The following AGBL4 variants were observed in gnomAD, a reference collection of about 807,000 sequenced individuals.
The protein encoded by AGBL4 is cytosolic carboxypeptidase 6.
Under a neutral mutation model 66.4 loss-of-function variants are expected in AGBL4, and 58 were observed. The ratio of observed to expected loss-of-function variants is 0.87; its 90% confidence interval spans 0.71 to 1.09. AGBL4 has a LOEUF of 1.09. AGBL4 is among the 50% of genes least tolerant of loss of function. The pLI, the probability that AGBL4 is intolerant of heterozygous loss-of-function variation, is 0.00. For missense variants in AGBL4, 579 were observed against 631.0 expected (o/e 0.92, Z 0.88); for synonymous variants, 234 against 222.9 (o/e 1.05, Z -0.44).
intron 9 of AGBL4, among the ~76,000 whole-genome samples, chr1:48,608,135 G>T (rs1347809963): frequency 6.6e-6 from 1 of 152,092 alleles, no homozygotes; most frequent in African/African-American, 2.4e-5. Flanking sequence ...AACTGCCTGG[G>T]GACTATCTGG....
chr1:49,183,977 G>A (rs1024074306), intron 4 of AGBL4, among the ~76,000 whole-genome samples: 15 of 152,122 alleles, frequency 9.9e-5, no homozygotes, highest in Non-Finnish European at 1.8e-4. Flanking sequence ...CATATGAAGT[G>A]ATTACATATG....
intron 5 of AGBL4, among the ~76,000 whole-genome samples, chr1:48,970,386 C>T (rs1658806243): frequency 6.6e-6 from 1 of 152,284 alleles, no homozygotes; most frequent in East Asian, 1.9e-4. Flanking sequence ...TAAACTTCCA[C>T]ACCTACCCAG....
chr1:49,843,701 G>A (rs1002235623), intron 2 of AGBL4, among the ~76,000 whole-genome samples: 1 of 152,158 alleles, frequency 6.6e-6, no homozygotes, highest in African/African-American at 2.4e-5. Context: ...GAAACATACA[G>A]GTTCTATGGT....
chr1:49,587,660 T>C (rs1306529205), intron 3 of AGBL4, among the ~76,000 whole-genome samples: 1 of 152,170 alleles, frequency 6.6e-6, no homozygotes, highest in African/African-American at 2.4e-5. Flanking sequence ...TCTGGCATCA[T>C]GTTGCTAAAC....
intron 4 of AGBL4, among the ~76,000 whole-genome samples, chr1:49,229,208 C>T (rs1473127546): frequency 6.6e-6 from 1 of 152,180 alleles, no homozygotes; most frequent in East Asian, 1.9e-4. Context: ...CTTTCCCTGG[C>T]ATCCTGTGCA....
chr1:49,134,302 A>C (rs1237362899), intron 4 of AGBL4, among the ~76,000 whole-genome samples: 1 of 152,156 alleles, frequency 6.6e-6, no homozygotes, highest in South Asian at 2.1e-4. Context: ...ACACATTGTC[A>C]TTGATAAACA....
intron 3 of AGBL4, among the ~76,000 whole-genome samples, chr1:49,552,265 C>T (rs898190623): frequency 2.6e-4 from 39 of 152,166 alleles, no homozygotes; most frequent in African/African-American, 7.7e-4. Context: ...GTTCTTCCCC[C>T]GCCTGTGGAG....
Position 48,685,945 on chromosome 1 carries a change from T to G in AGBL4, c.635-22704A>C, listed in dbSNP as rs571323400. On this transcript the variant is annotated intron_variant, in intron 6 of 13. Coordinates refer to ENST00000371839, the MANE Select transcript of AGBL4 (RefSeq NM_032785.4). ...AAGCTCTGTCATGCATCATTTGCCT[T>G]TCACAAAAGCCCTCTGAGTTAGGCT... is the stretch of plus-strand genomic sequence containing the variant. Among the ~76,000 whole-genome samples the G allele has an allele frequency of 4.6e-5, 7 of 152,348 alleles. 1 individual carries two copies. The South Asian group carries it at 1.4e-3, about 32-fold the overall frequency.
intron 5 of AGBL4, among the ~76,000 whole-genome samples, chr1:48,979,454 A>C (rs1251936348): frequency 6.6e-6 from 1 of 152,170 alleles, no homozygotes; most frequent in Non-Finnish European, 1.5e-5. Flanking sequence ...TTGATGAAAA[A>C]AATCACATAT....
At chr1:49,502,562 A>G (rs1648265733) in intron 3 of AGBL4, among the ~76,000 whole-genome samples, 1 of 152,106 alleles carries the variant, frequency 6.6e-6, no homozygotes, top group Non-Finnish European at 1.5e-5. Flanking sequence ...TGGAGGGCTA[A>G]GAAGAAAAAA....
intron 3 of AGBL4, among the ~76,000 whole-genome samples, chr1:49,372,594 C>CCT (rs2148555765): frequency 6.7e-6 from 1 of 150,234 alleles, no homozygotes; most frequent in South Asian, 2.1e-4. Flanking sequence ...TTCTTTCTTT[C>CCT]TTTTCTTTTT....
At chr1:49,450,280 T>C (rs1308514840) in intron 3 of AGBL4, among the ~76,000 whole-genome samples, 1 of 152,024 alleles carries the variant, frequency 6.6e-6, no homozygotes, top group Non-Finnish European at 1.5e-5. Context: ...AAGTCATCAG[T>C]TTATAAATAA....
intron 2 of AGBL4, among the ~76,000 whole-genome samples, chr1:49,712,618 A>C (rs1647760892): frequency 2.6e-5 from 4 of 152,018 alleles, no homozygotes. Flanking sequence ...CACCAAAAAA[A>C]GTAACTGTGA....
chr1:49,675,545 T>C (rs1273587004), intron 3 of AGBL4, among the ~76,000 whole-genome samples: 1 of 152,006 alleles, frequency 6.6e-6, no homozygotes, highest in Non-Finnish European at 1.5e-5. Flanking sequence ...ATGTACCCCT[T>C]GAATCCATAA....
Position 49,971,906 on chromosome 1 carries a change from G to GGTTGTT in AGBL4, c.34+51856_34+51857insAACAAC, listed in dbSNP as rs1457900823. ...TAAGTACAAGTGCAGGGTTTTTTTG[G>GGTTGTT]GTTTTTTTTTTTTTTTTTTTTTTTT... On this transcript the variant is annotated intron_variant, in intron 1 of 13. Transcript: ENST00000371839. Among the ~76,000 whole-genome samples the GGTTGTT allele has an allele frequency of 6.9e-5, 3 of 43,474 alleles. 1 individual carries two copies. In the East Asian group the frequency reaches 2.3e-3, roughly 33 times the overall value. The allele number at this position is 43,474 out of a possible 152,430, so 28.5% of individuals were successfully genotyped here. A position where few individuals can be genotyped will look rare whatever the true frequency, so the allele number is the denominator to read the frequency against.
chr1:48,861,685 T>TA (rs1647490257), intron 6 of AGBL4, among the ~76,000 whole-genome samples: 1 of 152,196 alleles, frequency 6.6e-6, no homozygotes, highest in African/African-American at 2.4e-5. Context: ...CCAGACCTTT[T>TA]ACCATAATGC....
At chr1:49,779,009 C>T (rs1347384124) in intron 2 of AGBL4, among the ~76,000 whole-genome samples, 1 of 152,064 alleles carries the variant, frequency 6.6e-6, no homozygotes. Flanking sequence ...ATACTCAGAG[C>T]ACTACCAAAA....
At chr1:49,372,623 C>CTTTTTCTT in intron 3 of AGBL4, among the ~76,000 whole-genome samples, 1 of 86,342 alleles carries the variant, frequency 1.2e-5, no homozygotes, top group East Asian at 3.2e-4. Context: ...TTCTTTCTTT[C>CTTTTTCTT]TTTCTTTCTT....
chr1:49,699,910 T>C (rs1270489486), intron 2 of AGBL4, among the ~76,000 whole-genome samples: 3 of 151,880 alleles, frequency 2.0e-5, no homozygotes, highest in African/African-American at 7.2e-5. Context: ...CATGCATACA[T>C]ATACCAAAAA....
Sources: allele counts gnomAD v4.1 joint callset (sites outside exome capture counted in the v4.1 genomes callset), GRCh38; gene constraint gnomAD v4.1.1; transcripts MANE v1.5; gene names NCBI Gene and HGNC (gene_info 2026-07-23, HGNC 2026-07-21).